The following R3HCC1L variants were observed in gnomAD, a reference collection of about 807,000 sequenced individuals.
R3HCC1L encodes the protein R3H domain and coiled-coil containing 1 like.
R3HCC1L carries 51 observed loss-of-function variants against 59.9 expected under a neutral mutation model. That is an observed-to-expected ratio of 0.85 (90% confidence interval 0.68 to 1.07). The LOEUF is 1.07. Among genes scored for constraint, R3HCC1L ranks in the 50% least tolerant of loss-of-function variants. The probability of loss-of-function intolerance (pLI) is 0.00; values close to 1 mark genes in which losing one functional copy is unlikely to be tolerated. For synonymous variants in R3HCC1L, 322 were observed against 315.2 expected (o/e 1.02, Z -0.23); for missense variants, 965 against 933.0 (o/e 1.03, Z -0.45).
intron 5 of R3HCC1L, among the ~76,000 whole-genome samples, chr10:98,221,373 C>G (rs1237241115): frequency 6.7e-6 from 1 of 148,276 alleles, no homozygotes; most frequent in East Asian, 2.0e-4. Flanking sequence ...TGCAGAAGCT[C>G]TTTAGTTTAA....
chr10:98,185,436 A>G (rs372372485), intron 4 of R3HCC1L, among the ~76,000 whole-genome samples: 1 of 152,220 alleles, frequency 6.6e-6, no homozygotes, highest in East Asian at 1.9e-4. Flanking sequence ...AGTCTTATCT[A>G]GAATGATTAG....
At chr10:98,168,167 T>C (rs533861005) in intron 4 of R3HCC1L, among the ~76,000 whole-genome samples, 2 of 152,318 alleles carry the variant, frequency 1.3e-5, no homozygotes, top group East Asian at 3.9e-4. Flanking sequence ...GCCAGTTACA[T>C]ATGCAGAGTA....
At chr10:98,213,000 C>T (rs1590737010) in intron 5 of R3HCC1L, among the ~76,000 whole-genome samples, 1 of 152,200 alleles carries the variant, frequency 6.6e-6, no homozygotes, top group East Asian at 1.9e-4. Flanking sequence ...CATCTTTTCC[C>T]ACCCATCTTA....
chr10:98,199,796 T>G (rs1851842177), intron 4 of R3HCC1L, among the ~76,000 whole-genome samples: 1 of 152,072 alleles, frequency 6.6e-6, no homozygotes, highest in Non-Finnish European at 1.5e-5. Context: ...TATATCATTT[T>G]TCTATATGTT....
At chr10:98,212,760 A>C (rs1853730373) in intron 5 of R3HCC1L, among the ~76,000 whole-genome samples, 1 of 152,194 alleles carries the variant, frequency 6.6e-6, no homozygotes, top group Non-Finnish European at 1.5e-5. Context: ...GATTAATGGG[A>C]TACCAAGAAC....
At chr10:98,147,034 G>T (rs1476747787) in intron 1 of R3HCC1L, among the ~76,000 whole-genome samples, 1 of 152,052 alleles carries the variant, frequency 6.6e-6, no homozygotes, top group Non-Finnish European at 1.5e-5. Flanking sequence ...AACAGTGTAG[G>T]AGAGTTCCCC....
chr10:98,152,560 GC>G (rs1162446743), intron 1 of R3HCC1L, among the ~76,000 whole-genome samples: 1 of 127,822 alleles, frequency 7.8e-6, no homozygotes, highest in African/African-American at 2.6e-5. Context: ...CCTCTTCCCG[GC>G]CGCCATCCCG....
chr10:98,205,156 A>G (rs1336863435), intron 4 of R3HCC1L, among the ~76,000 whole-genome samples: 1 of 152,260 alleles, frequency 6.6e-6, no homozygotes, highest in Admixed American at 6.5e-5. Flanking sequence ...TAAATACTTC[A>G]AACTCATCAC....
chr10:98,173,711 C>CT (rs745612117), intron 4 of R3HCC1L, among the ~76,000 whole-genome samples: 2 of 152,132 alleles, frequency 1.3e-5, no homozygotes, highest in South Asian at 2.1e-4. Context: ...TCCCCCTACT[C>CT]TTTTTTCCCC....
At position 98,209,229 on chromosome 10, in the gene R3HCC1L, C is replaced by A; in HGVS notation, c.1115C>A (p.Thr372Asn). 1.2e-6 allele frequency: 2 copies of A among 1,613,724 alleles called. No homozygotes were observed. The highest frequency in any genetic ancestry group is 2.2e-5 in the South Asian group (2 of 91,072). ...DSGFKNVGDI[T>N]NKACMMDTTG... ...GGATTTAAGAATGTAGGTGACATTACCAATAAAGCATGTATGATGGACACT... is the reference window on the plus strand; with the variant it reads ...GGATTTAAGAATGTAGGTGACATTAACAATAAAGCATGTATGATGGACACT... The change falls in exon 5 of 10, where the codon ACC becomes AAC. Residue 372 changes from threonine to asparagine, a missense_variant. By Grantham distance (65) the Thr-to-Asn change is moderately conservative. Coordinates refer to ENST00000298999, the MANE Select transcript of R3HCC1L (RefSeq NM_001351015.2).
At chr10:98,223,763 C>T (rs1161984201) in intron 5 of R3HCC1L, among the ~76,000 whole-genome samples, 2 of 151,980 alleles carry the variant, frequency 1.3e-5, no homozygotes. Flanking sequence ...CAACAGCAGG[C>T]TGAGTGTGCT....
Position 98,209,482 on chromosome 10 carries a change from A to T in R3HCC1L, c.1368A>T (p.Thr456=), listed in dbSNP as rs1853272279. 2 of 1,613,658 alleles carry T rather than the reference A, an allele frequency of 1.2e-6. No individual in the cohort carries two copies. Among genetic ancestry groups the T allele is most frequent in the South Asian group, 1.1e-5 (1 of 91,086 alleles). ...GTGAGAGTATTTCATCTCATTTTAC[A>T]GAGTCAACAGGAAAGTTGATAGAGA... ...IYGESISSHF[T]ESTGKLIESL... is the part of the protein sequence containing the mutation. The change falls in exon 5 of 10, where the codon ACA becomes ACT. Residue 456 remains threonine, a synonymous_variant. Coordinates refer to ENST00000298999, the MANE Select transcript of R3HCC1L (RefSeq NM_001351015.2).
chr10:98,232,810 A>C (rs1489478122), intron 6 of R3HCC1L, among the ~76,000 whole-genome samples: 1 of 152,228 alleles, frequency 6.6e-6, no homozygotes. Context: ...CAATACATAA[A>C]TGAGCATGGC....
At chr10:98,160,332 T>C (rs1414844892) in intron 2 of R3HCC1L, among the ~76,000 whole-genome samples, 3 of 152,218 alleles carry the variant, frequency 2.0e-5, no homozygotes, top group East Asian at 1.9e-4. Flanking sequence ...AAAATGTACA[T>C]TGGATTTGAA....
intron 4 of R3HCC1L, among the ~76,000 whole-genome samples, chr10:98,184,976 A>T (rs1350526656): frequency 6.6e-6 from 1 of 152,150 alleles, no homozygotes; most frequent in African/African-American, 2.4e-5. Flanking sequence ...TCAATTACTT[A>T]GATTTAAGGT....
At chr10:98,189,506 G>C (rs1175188519) in intron 4 of R3HCC1L, among the ~76,000 whole-genome samples, 1 of 152,068 alleles carries the variant, frequency 6.6e-6, no homozygotes, top group African/African-American at 2.4e-5. Flanking sequence ...CTTTAGTTCA[G>C]ATATGTTAAA....
intron 5 of R3HCC1L, among the ~76,000 whole-genome samples, chr10:98,216,021 C>T (rs1564710934): frequency 6.6e-6 from 1 of 152,114 alleles, no homozygotes; most frequent in East Asian, 1.9e-4. Context: ...TTGTGAAAAA[C>T]AGAATCAGAA....
chr10:98,151,905 G>GCTCTCT (rs747724965), intron 1 of R3HCC1L, among the ~76,000 whole-genome samples: 1 of 151,640 alleles, frequency 6.6e-6, no homozygotes, highest in Non-Finnish European at 1.5e-5. Context: ...ATTCCAGCTC[G>GCTCTCT]CTCTCTCTCT....
At chr10:98,177,408 A>G (rs1461453022) in intron 4 of R3HCC1L, among the ~76,000 whole-genome samples, 2 of 152,094 alleles carry the variant, frequency 1.3e-5, no homozygotes, top group East Asian at 1.9e-4. Flanking sequence ...TATGTGCCAC[A>G]TTTTCTTAAT....
Sources: gnomAD v4.1 joint callset for allele counts (sites outside exome capture counted in the v4.1 genomes callset) on GRCh38, gnomAD v4.1.1 for gene constraint, MANE v1.5 for transcripts, NCBI Gene and HGNC (gene_info 2026-07-23, HGNC 2026-07-21) for gene names.